RAB37: variants seen among roughly 807,000 people sequenced by gnomAD.
The protein encoded by RAB37 is RAB37, member RAS oncogene family.
RAB37 carries 29 observed loss-of-function variants against 33.1 expected under a neutral mutation model. The observed-to-expected ratio is 0.88, with a 90% CI of 0.65 to 1.20. The LOEUF is 1.20. RAB37 is among the 50% of genes most tolerant of loss of function. The probability of loss-of-function intolerance (pLI) is 0.00; values close to 1 mark genes in which losing one functional copy is unlikely to be tolerated. For missense variants in RAB37, 299 were observed against 301.1 expected (o/e 0.99, Z 0.05); for synonymous variants, 128 against 119.5 (o/e 1.07, Z -0.47).
Position 74,744,341 on chromosome 17 carries a change from A to G in RAB37, c.400A>G (p.Arg134Gly). 1 of 1,614,070 alleles carries G rather than the reference A, an allele frequency of 6.2e-7. No homozygotes were observed. The highest frequency in any genetic ancestry group is 8.5e-7 in the Non-Finnish European group (1 of 1,179,986). ...CACTGAGATTCATGAGTATGCCCAG[A>G]GGGACGTGGTGATCATGCTGCTAGG... Reference protein sequence around the residue: ...WLTEIHEYAQRDVVIMLLGNK... With the variant: ...WLTEIHEYAQGDVVIMLLGNK... Residue 134 changes from arginine (R) to glycine (G), a missense_variant, in exon 6 of 9, where the codon AGG becomes GGG. Physicochemically the swap from Arg to Gly is moderately radical, Grantham distance 125. Coordinates refer to ENST00000392613, the MANE Select transcript of RAB37 (RefSeq NM_001006638.3). This position sits in a 1 kb window ranked among gnomAD's most constrained non-coding sequence, Gnocchi z 4.2.
upstream of RAB37, among the ~76,000 whole-genome samples, chr17:74,734,829 C>T (rs1250068823): frequency 6.7e-6 from 1 of 148,274 alleles, no homozygotes; most frequent in East Asian, 2.0e-4. Context: ...GCCTGGATGA[C>T]AGAGCTCCAC....
At chr17:74,715,962 A>AG (rs2034160082) in intron 1 of RAB37, among the ~76,000 whole-genome samples, 1 of 152,136 alleles carries the variant, frequency 6.6e-6, no homozygotes, top group South Asian at 2.1e-4. Flanking sequence ...CCCGGGAGGC[A>AG]GAGGTTGCAG....
chr17:74,710,369 T>C (rs893346084), intron 1 of RAB37, among the ~76,000 whole-genome samples: 1 of 152,160 alleles, frequency 6.6e-6, no homozygotes, highest in Non-Finnish European at 1.5e-5. Flanking sequence ...TAATTTTAAA[T>C]GAAAAAGTAT....
chr17:74,687,763 G>A (rs561642766), intron 1 of RAB37, among the ~76,000 whole-genome samples: 31 of 152,264 alleles, frequency 2.0e-4, no homozygotes, highest in Middle Eastern at 6.8e-3. Flanking sequence ...CTACACCAGC[G>A]GAGATGTGAT....
At chr17:74,733,492 TGTGATTTGA>T (rs2034421546), upstream of RAB37, among the ~76,000 whole-genome samples, 2 of 126,882 alleles carry the variant, frequency 1.6e-5, no homozygotes, top group East Asian at 2.4e-4. Context: ...AGGTGTGTGG[TGTGATTTGA>T]GGTGTGTGTG....
At chr17:74,726,362 G>A (rs1413666928) in intron 1 of RAB37, among the ~76,000 whole-genome samples, 2 of 151,848 alleles carry the variant, frequency 1.3e-5, no homozygotes, top group Admixed American at 1.3e-4. Context: ...GCTGGAAAAT[G>A]TCCCGAGAAG....
At position 74,686,966 on chromosome 17, in the gene RAB37, C is replaced by T. The variant is rs574623165; in HGVS notation, c.72+15308C>T. On this transcript the variant is annotated intron_variant, in intron 1 of 7. Transcript: ENST00000340415. ...CCTGTTGCTTCTTTGTCGTGGAAACCCTCTGCGTCATTGATAGAGGGCAGC... is the reference window on the plus strand; with the variant it reads ...CCTGTTGCTTCTTTGTCGTGGAAACTCTCTGCGTCATTGATAGAGGGCAGC... Among the ~76,000 whole-genome samples the T allele has an allele frequency of 1.6e-4, 24 of 152,270 alleles. No individual in the cohort carries two copies. The South Asian group carries it at 4.6e-3, about 29-fold the overall frequency.
At chr17:74,706,890 G>T (rs552535159) in intron 1 of RAB37, among the ~76,000 whole-genome samples, 1 of 152,270 alleles carries the variant, frequency 6.6e-6, no homozygotes, top group South Asian at 2.1e-4. Context: ...AATGGGGAAA[G>T]GACAGTCTCT....
chr17:74,727,719 A>G (rs1454667959), intron 1 of RAB37, among the ~76,000 whole-genome samples: 1 of 152,220 alleles, frequency 6.6e-6, no homozygotes, highest in Non-Finnish European at 1.5e-5. Flanking sequence ...TCAGATGCTC[A>G]TTAACTTGGA....
intron 1 of RAB37, among the ~76,000 whole-genome samples, chr17:74,708,895 G>A (rs1363938370): frequency 2.1e-5 from 3 of 145,514 alleles, no homozygotes; most frequent in South Asian, 2.2e-4. Flanking sequence ...CAGCCTGGGC[G>A]ACAGAGCAAG....
chr17:74,728,667 CAT>C lies in RAB37; in HGVS notation c.73-586_73-585del, dbSNP rs540101360. Among the ~76,000 whole-genome samples the C allele has an allele frequency of 1.9e-3, 275 of 145,364 alleles. 1 individual carries two copies. Among genetic ancestry groups the C allele is most frequent in the African/African-American group, 3.5e-3 (135 of 39,104 alleles). The stretch of plus-strand genomic sequence containing the variant: ...TATGTATATGTGTGCTCTGTGTATG[CAT>C]ATGTTTGTGTGTGCATGTGTGTTCT... On this transcript the variant is annotated intron_variant, in intron 1 of 7. Transcript: ENST00000340415.
In RAB37 at chr17:74,738,753, C is replaced by T. The variant is rs1187288652; in HGVS notation, c.93+1388C>T. 6.6e-6 allele frequency among the ~76,000 whole-genome samples: 1 copy of T among 152,106 alleles called. No individual in the cohort carries two copies. Among genetic ancestry groups the T allele is most frequent in the Non-Finnish European group, 1.5e-5 (1 of 68,002 alleles). Reference sequence around the variant, plus strand: ...GCCGGAGAGTTGGTCCCCAGCCTCCCCGGGCCTGCCCCAGGGGAGTGAGTC... The same window carrying T: ...GCCGGAGAGTTGGTCCCCAGCCTCCTCGGGCCTGCCCCAGGGGAGTGAGTC... On this transcript the variant is annotated intron_variant, in intron 1 of 8. Transcript: ENST00000392613. This position sits in a 1 kb window ranked among gnomAD's most constrained non-coding sequence, Gnocchi z 5.0.
chr17:74,743,866 G>A (rs908942825), intron 5 of RAB37, among the ~76,000 whole-genome samples: 4 of 152,166 alleles, frequency 2.6e-5, no homozygotes, highest in African/African-American at 4.8e-5. Flanking sequence ...CAAACTAGGA[G>A]AATAAAACGT....
At chr17:74,698,586 G>A (rs767800099) in intron 1 of RAB37, 458 of 1,517,406 alleles carry the variant, frequency 3.0e-4, no homozygotes, top group Non-Finnish European at 3.8e-4. Context: ...CTGATGAGCT[G>A]CAGGTCTGTA....
At chr17:74,722,342 G>A (rs1047603244) in intron 1 of RAB37, among the ~76,000 whole-genome samples, 59 of 151,860 alleles carry the variant, frequency 3.9e-4, no homozygotes, top group Non-Finnish European at 1.0e-4. Context: ...TTACATGACT[G>A]GGGGCTGGCA....
At chr17:74,687,217 T>A (rs1262205399) in intron 1 of RAB37, among the ~76,000 whole-genome samples, 1 of 151,104 alleles carries the variant, frequency 6.6e-6, no homozygotes, top group Non-Finnish European at 1.5e-5. Flanking sequence ...ATTTTATTTT[T>A]ATTTATTTAT....
At chr17:74,696,652 G>A (rs189561361) in intron 1 of RAB37, among the ~76,000 whole-genome samples, 176 of 152,220 alleles carry the variant, frequency 1.2e-3, no homozygotes, top group African/African-American at 3.8e-3. Flanking sequence ...TCCCCCTCCC[G>A]GGCCCCCGGG....
At position 74,745,357 on chromosome 17, in the gene RAB37, C is replaced by T. The variant is rs775246406; in HGVS notation, c.618C>T (p.Ile206=). The change falls in exon 9 of 9, where the codon ATC becomes ATT. Residue 206 remains isoleucine, a synonymous_variant. Transcript: ENST00000392613. This position sits in a 1 kb window ranked among gnomAD's most constrained non-coding sequence, Gnocchi z 4.5. The stretch of plus-strand genomic sequence containing the variant: ...AGGCGGATGAGCCCAGCTTCCAGAT[C>T]CGAGACTATGTAGAGTCCCAGAAGA... ...GHQADEPSFQ[I]RDYVESQKKR... 6.2e-7 allele frequency: 1 copy of T among 1,614,118 alleles called. No individual in the cohort carries two copies. The highest frequency in any genetic ancestry group is 8.5e-7 in the Non-Finnish European group (1 of 1,180,016).
At chr17:74,696,663 G>T (rs543917292) in intron 1 of RAB37, among the ~76,000 whole-genome samples, 2 of 152,198 alleles carry the variant, frequency 1.3e-5, no homozygotes, top group Admixed American at 1.3e-4. Context: ...GGCCCCCGGG[G>T]GGCACTTGCT....
Sources: gnomAD v4.1 joint callset for allele counts (sites outside exome capture counted in the v4.1 genomes callset) on GRCh38, gnomAD v4.1.1 for gene constraint, Gnocchi (gnomAD v3.1) non-coding constraint, MANE v1.5 for transcripts, NCBI Gene and HGNC (gene_info 2026-07-23, HGNC 2026-07-21) for gene names.